Variants in AHCYL2 observed in about 807,000 individuals in gnomAD.
AHCYL2 encodes adenosylhomocysteinase like 2.
A neutral mutation model predicts 81.4 loss-of-function variants in AHCYL2; 28 were observed. That is an observed-to-expected ratio of 0.34 (90% CI 0.25 to 0.47). The LOEUF (loss-of-function observed/expected upper bound fraction) is 0.47. AHCYL2 is among the 20% of genes least tolerant of loss of function. AHCYL2 has a pLI of 1.00. For synonymous variants in AHCYL2, 272 were observed against 290.2 expected (o/e 0.94, Z 0.64); for missense variants, 551 against 785.1 (o/e 0.70, Z 3.56).
intron 1 of AHCYL2, among the ~76,000 whole-genome samples, chr7:129,234,290 G>A (rs982752304): frequency 5.9e-5 from 9 of 151,998 alleles, no homozygotes; most frequent in African/African-American, 1.9e-4. Context: ...TGTCACCCAG[G>A]CTGGACTGCA....
intron 1 of AHCYL2, among the ~76,000 whole-genome samples, chr7:129,278,143 T>C (rs1796291246): frequency 6.6e-6 from 1 of 152,248 alleles, no homozygotes; most frequent in South Asian, 2.1e-4. Flanking sequence ...GGTTTTAATG[T>C]ACTTAAGTGA....
At chr7:129,353,061 T>G (rs1411567969) in intron 1 of AHCYL2, among the ~76,000 whole-genome samples, 2 of 148,098 alleles carry the variant, frequency 1.4e-5, no homozygotes, top group African/African-American at 4.9e-5. Context: ...TTCTCCTGCC[T>G]CAGCCTTCTG....
chr7:129,270,552 A>G (rs930393043), intron 1 of AHCYL2, among the ~76,000 whole-genome samples: 5 of 152,242 alleles, frequency 3.3e-5, no homozygotes, highest in African/African-American at 4.8e-5. Context: ...TTAAATCTAT[A>G]GCTGAGCTTG....
chr7:129,242,665 T>C (rs969778577), intron 1 of AHCYL2, among the ~76,000 whole-genome samples: 4 of 149,834 alleles, frequency 2.7e-5, no homozygotes, highest in Non-Finnish European at 5.9e-5. Context: ...TGCAGTGAGC[T>C]GAGATCGTGC....
At chr7:129,226,321 T>G (rs1794215018) in intron 1 of AHCYL2, among the ~76,000 whole-genome samples, 1 of 152,222 alleles carries the variant, frequency 6.6e-6, no homozygotes, top group East Asian at 1.9e-4. Flanking sequence ...CCGTACATTG[T>G]CTATCCATAG....
chr7:129,340,136 A>G (rs1349790918), intron 1 of AHCYL2, among the ~76,000 whole-genome samples: 5 of 137,480 alleles, frequency 3.6e-5, no homozygotes, highest in African/African-American at 1.3e-4. Context: ...GTTAGCCAGG[A>G]TGGTCTCGAT....
At chr7:129,327,452 T>C (rs1349689021) in intron 1 of AHCYL2, among the ~76,000 whole-genome samples, 1 of 152,106 alleles carries the variant, frequency 6.6e-6, no homozygotes, top group Non-Finnish European at 1.5e-5. Context: ...GACTAAAACA[T>C]CTAGGAAGTG....
At position 129,312,823 on chromosome 7, in the gene AHCYL2, C is replaced by T. The variant is rs1014799470; in HGVS notation, c.364-66815C>T. Among the ~76,000 whole-genome samples, 4 of 152,128 alleles carry T rather than the reference C, an allele frequency of 2.6e-5. No homozygotes were observed. In the East Asian group the frequency reaches 7.7e-4, roughly 29 times the overall value. On this transcript the variant is annotated intron_variant, in intron 1 of 16. Coordinates refer to ENST00000325006, the MANE Select transcript of AHCYL2 (RefSeq NM_015328.4). ...CCTGTCAGAAGCTCCCTGCCTCTCACCCCCACCCGTATGTAACCACTATTC... is the reference window on the plus strand; with the variant it reads ...CCTGTCAGAAGCTCCCTGCCTCTCATCCCCACCCGTATGTAACCACTATTC...
At chr7:129,371,304 C>A (rs1286775896) in intron 1 of AHCYL2, among the ~76,000 whole-genome samples, 1 of 152,210 alleles carries the variant, frequency 6.6e-6, no homozygotes, top group Non-Finnish European at 1.5e-5. Flanking sequence ...TACAACATCT[C>A]CCTTTTGTTA....
intron 1 of AHCYL2, among the ~76,000 whole-genome samples, chr7:129,243,373 TC>T (rs989126624): frequency 6.6e-6 from 1 of 152,078 alleles, no homozygotes; most frequent in Non-Finnish European, 1.5e-5. Flanking sequence ...GTTGAAAATA[TC>T]TTTTGGTCTG....
At chr7:129,261,633 C>T (rs578167624) in intron 1 of AHCYL2, among the ~76,000 whole-genome samples, 45 of 152,248 alleles carry the variant, frequency 3.0e-4, no homozygotes, top group African/African-American at 9.6e-4. Flanking sequence ...CCTACCCCAC[C>T]GTAGGCTAAC....
At chr7:129,284,170 A>T (rs1227015919) in intron 1 of AHCYL2, among the ~76,000 whole-genome samples, 1 of 152,180 alleles carries the variant, frequency 6.6e-6, no homozygotes, top group Non-Finnish European at 1.5e-5. Flanking sequence ...AACGAAAGAA[A>T]GTTATGTGGT....
chr7:129,424,042 G>T (rs1441470598), intron 13 of AHCYL2, among the ~76,000 whole-genome samples: 1 of 152,098 alleles, frequency 6.6e-6, no homozygotes, highest in Non-Finnish European at 1.5e-5. Context: ...TGAGCAAAAA[G>T]GTGGTCAGGC....
At chr7:129,319,469 G>T (rs1051707458) in intron 1 of AHCYL2, among the ~76,000 whole-genome samples, 1 of 151,526 alleles carries the variant, frequency 6.6e-6, no homozygotes, top group South Asian at 2.1e-4. Flanking sequence ...AAAGAAAAAA[G>T]AAAATAATCA....
chr7:129,257,113 G>A (rs1156391195), intron 1 of AHCYL2, among the ~76,000 whole-genome samples: 3 of 152,132 alleles, frequency 2.0e-5, no homozygotes, highest in Non-Finnish European at 4.4e-5. Flanking sequence ...CTGAAGGGAT[G>A]AAGCTGTTCC....
intron 4 of AHCYL2, among the ~76,000 whole-genome samples, chr7:129,395,140 A>G (rs1388447914): frequency 6.6e-6 from 1 of 152,144 alleles, no homozygotes; most frequent in East Asian, 1.9e-4. Flanking sequence ...CCAGCAGTGG[A>G]CTGCTATAAC....
chr7:129,426,677 C>A lies in AHCYL2; in HGVS notation c.1829+114C>A. 1.4e-6 allele frequency: 2 copies of A among 1,425,212 alleles called. No homozygotes were observed. Among genetic ancestry groups the A allele is most frequent in the Non-Finnish European group, 1.9e-6 (2 of 1,064,402 alleles). 88.3% of individuals were successfully genotyped at this position (1,425,212 alleles called of 1,614,324 possible). ...GCTTACATGAACTCAGAAAAATGAA[C>A]CCACTTCCCCTCACTGCCACCTTCA... On this transcript the variant is annotated intron_variant, in intron 16 of 16. Coordinates refer to ENST00000325006, the MANE Select transcript of AHCYL2 (RefSeq NM_015328.4). The surrounding 1 kb of genome is among the most constrained non-coding windows in gnomAD (Gnocchi z 4.3).
At position 129,428,139 on chromosome 7, in the gene AHCYL2, CTG is replaced by C. The variant is rs1231635753; in HGVS notation, c.*1096_*1097del. The C allele has an allele frequency of 6.6e-6, 1 of 152,224 alleles. No individual in the cohort carries two copies. The highest frequency in any genetic ancestry group is 1.5e-5 in the Non-Finnish European group (1 of 68,044). 9.4% of individuals were successfully genotyped at this position (152,224 alleles called of 1,614,324 possible). ...AGGGATACAGAGATGAAATTGTAAA[CTG>C]TATCCAGATTATCAAAGCTAATTTG... On this transcript the variant is annotated 3_prime_UTR_variant, in exon 17 of 17. Coordinates refer to ENST00000325006, the MANE Select transcript of AHCYL2 (RefSeq NM_015328.4).
At chr7:129,232,627 TC>T (rs1776227846) in intron 1 of AHCYL2, among the ~76,000 whole-genome samples, 1 of 152,234 alleles carries the variant, frequency 6.6e-6, no homozygotes, top group Non-Finnish European at 1.5e-5. Flanking sequence ...GCTGATTCAG[TC>T]CCTCAAACTG....
Sources: gnomAD v4.1 joint callset for allele counts (sites outside exome capture counted in the v4.1 genomes callset) on GRCh38, gnomAD v4.1.1 for gene constraint, Gnocchi (gnomAD v3.1) non-coding constraint, MANE v1.5 for transcripts, NCBI Gene and HGNC (gene_info 2026-07-23, HGNC 2026-07-21) for gene names.